FAM193B: variants seen among roughly 807,000 people sequenced by gnomAD.
FAM193B encodes the protein protein FAM193B.
FAM193B carries 27 observed loss-of-function variants against 70.7 expected under a neutral mutation model. The ratio of observed to expected loss-of-function variants is 0.38; its 90% CI spans 0.28 to 0.53. The LOEUF is 0.53. Among genes scored for constraint, FAM193B ranks in the 20% least tolerant of loss-of-function variants. FAM193B has a pLI of 0.81. For missense variants in FAM193B, 1,022 were observed against 1,072.5 expected, an observed-to-expected ratio of 0.95 and a Z score of 0.66; for synonymous variants, 448 against 436.0, an observed-to-expected ratio of 1.03 and a Z score of -0.34.
Position 177,538,244 on chromosome 5 carries a change from C to T in FAM193B, c.454-137G>A. 2.3e-6 allele frequency: 2 copies of T among 879,576 alleles called. No individual in the cohort carries two copies. Among genetic ancestry groups the T allele is most frequent in the South Asian group, 3.9e-5 (2 of 51,316 alleles). The allele number at this position is 879,576 out of a possible 1,614,324, so 54.5% of individuals were successfully genotyped here. A position where few individuals can be genotyped will look rare whatever the true frequency, so the allele number is the denominator to read the frequency against. ...TAGCAAAAACACAATTAATACAACT[C>T]CAGCTATAAGAACAAATGAGGGCCA... On this transcript the variant is annotated intron_variant, in intron 2 of 8. Transcript: ENST00000514747. This position sits in a 1 kb window ranked among gnomAD's most constrained non-coding sequence, Gnocchi z 4.1.
chr5:177,536,978 C>T (rs1423017819), intron 3 of FAM193B, among the ~76,000 whole-genome samples: 2 of 152,212 alleles, frequency 1.3e-5, no homozygotes, highest in African/African-American at 4.8e-5. Flanking sequence ...ACACAAGGCC[C>T]CATGCCTTTT....
chr5:177,522,125 T>C, intron 7 of FAM193B, 54 bp from the exon 8 acceptor site: 2 of 1,401,182 alleles, frequency 1.4e-6, no homozygotes, highest in Non-Finnish European at 2.0e-6. Flanking sequence ...ATTCTTTTGC[T>C]CACTGGACTC....
At chr5:177,539,246 A>C in intron 1 of FAM193B, 99 bp from the exon 2 acceptor site, 2 of 1,397,510 alleles carry the variant, frequency 1.4e-6, no homozygotes, top group African/African-American at 1.4e-5. Flanking sequence ...CGTGCCAGGC[A>C]CTGGGTTAGG....
intron 5 of FAM193B, among the ~76,000 whole-genome samples, chr5:177,527,197 G>A (rs2127455057): frequency 6.6e-6 from 1 of 152,344 alleles, no homozygotes; most frequent in Non-Finnish European, 1.5e-5. Context: ...AGTATCTTCT[G>A]GGAATGCAAA....
At chr5:177,521,840 A>C in intron 8 of FAM193B, 134 bp downstream of exon 8, 1 of 677,980 alleles carries the variant, frequency 1.5e-6, no homozygotes. Flanking sequence ...GTGAAGATGC[A>C]GACAGAAGCC....
At chr5:177,536,933 G>A (rs1366986014) in intron 3 of FAM193B, among the ~76,000 whole-genome samples, 188 bp from the exon 4 acceptor site, 1 of 152,228 alleles carries the variant, frequency 6.6e-6, no homozygotes, top group African/African-American at 2.4e-5. Context: ...AAGGAGCCCA[G>A]GCCCAAGCAA....
At chr5:177,545,074 C>T (rs528834271) in intron 1 of FAM193B, among the ~76,000 whole-genome samples, 64 of 152,192 alleles carry the variant, frequency 4.2e-4, no homozygotes, top group Middle Eastern at 3.4e-3. Flanking sequence ...GATGAAATCT[C>T]GCTCTGTCAT....
At chr5:177,549,342 G>A (rs528601415) in intron 1 of FAM193B, among the ~76,000 whole-genome samples, 183 of 151,980 alleles carry the variant, frequency 1.2e-3, no homozygotes, top group African/African-American at 4.3e-3. Context: ...ATAGGTGCCC[G>A]CCACCATGCC....
rs1764444221 is a variant in FAM193B, at chr5:177,538,434, T to C, written c.454-327A>G. ...GCCTTTTGACCAGGAGTCCTGAAGC[T>C]AAACTGTTCCTGGGTAAAAGGGAAG... On this transcript the variant is annotated intron_variant, in intron 2 of 8. Coordinates refer to ENST00000514747, the MANE Select transcript of FAM193B (RefSeq NM_001190946.3). This position sits in a 1 kb window ranked among gnomAD's most constrained non-coding sequence, Gnocchi z 4.1. Among the ~76,000 whole-genome samples the C allele has an allele frequency of 6.6e-6, 1 of 152,128 alleles. No homozygotes were observed. Among genetic ancestry groups the C allele is most frequent in the African/African-American group, 2.4e-5 (1 of 41,418 alleles).
At chr5:177,523,245 C>A in intron 7 of FAM193B, 1 of 366,470 alleles carries the variant, frequency 2.7e-6, no homozygotes, top group Non-Finnish European at 5.8e-6. Flanking sequence ...GGTGATCCAC[C>A]CGCCTCGGCC....
At position 177,522,301 on chromosome 5, in the gene FAM193B, G is replaced by C. The variant is rs745996066; in HGVS notation, c.2373-230C>G. On this transcript the variant is annotated intron_variant, in intron 7 of 8. Transcript: ENST00000514747. The stretch of plus-strand genomic sequence containing the variant: ...ACAGTGAAACTGCCTTGGGATTCCA[G>C]TTCCTCCTCATCTGGTGTTTGATTC... 3.3e-4 allele frequency: 161 copies of C among 485,714 alleles called. 1 individual carries two copies. The highest frequency in any genetic ancestry group is 1.8e-3 in the Admixed American group (52 of 28,946). 30.1% of individuals were successfully genotyped at this position (485,714 alleles called of 1,614,324 possible). A position where few individuals can be genotyped will look rare whatever the true frequency, so the allele number is the denominator to read the frequency against.
intron 1 of FAM193B, among the ~76,000 whole-genome samples, chr5:177,542,417 A>T (rs189213077): frequency 6.6e-6 from 1 of 152,374 alleles, no homozygotes; most frequent in African/African-American, 2.4e-5. Context: ...AGGCACATAG[A>T]TGTTGCTGAA....
rs1444663070 is a variant in FAM193B at position 177,521,970 on chromosome 5, G to A, written c.*1+4C>T. On this transcript the variant is annotated splice_donor_region_variant and intron_variant, in intron 8 of 8. Coordinates refer to ENST00000514747, the MANE Select transcript of FAM193B (RefSeq NM_001190946.3). ...AGTGGATGTAACTCTTGGGGTCTCT[G>A]TACCTCACTGAGCTGTGCTAGGAGT... The A allele has an allele frequency of 5.6e-6, 9 of 1,612,546 alleles. No homozygotes were observed. The East Asian group carries it at 6.7e-5, about 12-fold the overall frequency.
chr5:177,544,962 A>C (rs1649283095), intron 1 of FAM193B, among the ~76,000 whole-genome samples: 1 of 152,254 alleles, frequency 6.6e-6, no homozygotes, highest in Non-Finnish European at 1.5e-5. Flanking sequence ...CAAAAGACTG[A>C]ATACAGAAGC....
intron 1 of FAM193B, among the ~76,000 whole-genome samples, chr5:177,549,232 G>A (rs1329114572): frequency 1.5e-4 from 19 of 125,976 alleles, no homozygotes; most frequent in African/African-American, 3.6e-4. Context: ...TCGCTCTGTC[G>A]CCCAGGCTGG....
At chr5:177,526,338 G>A (rs940783203) in intron 5 of FAM193B, among the ~76,000 whole-genome samples, 5 of 152,202 alleles carry the variant, frequency 3.3e-5, no homozygotes, top group African/African-American at 1.2e-4. Context: ...GAGAGTCTGT[G>A]TGGGGTCCTT....
chr5:177,542,545 T>C lies in FAM193B; in HGVS notation c.211-3398A>G, dbSNP rs373305959. Among the ~76,000 whole-genome samples, 16 of 152,342 alleles carry C rather than the reference T, an allele frequency of 1.1e-4. No homozygotes were observed. In the East Asian group the frequency reaches 1.9e-3, roughly 18 times the overall value. ...AATCTAAACTGACTTGTTAGAAATC[T>C]TAATCTCTCCCCTCAACCCCATGAA... is the stretch of plus-strand genomic sequence containing the variant. On this transcript the variant is annotated intron_variant, in intron 1 of 8. Transcript: ENST00000514747.
intron 4 of FAM193B, among the ~76,000 whole-genome samples, chr5:177,533,093 C>T (rs1482799313): frequency 6.6e-6 from 1 of 152,176 alleles, no homozygotes; most frequent in Non-Finnish European, 1.5e-5. Flanking sequence ...AGGCCTGAAC[C>T]CATTAGTGGG....
At chr5:177,547,536 G>C (rs942566010) in intron 1 of FAM193B, among the ~76,000 whole-genome samples, 6 of 151,520 alleles carry the variant, frequency 4.0e-5, no homozygotes, top group African/African-American at 1.2e-4. Flanking sequence ...CTCCCGTCTC[G>C]GCCTCCCAAA....
Sources: allele counts gnomAD v4.1 joint callset (sites outside exome capture counted in the v4.1 genomes callset), GRCh38; gene constraint gnomAD v4.1.1; non-coding constraint Gnocchi (gnomAD v3.1); transcripts MANE v1.5; gene names NCBI Gene and HGNC (gene_info 2026-07-23, HGNC 2026-07-21).